The following LASP1 variants were observed in gnomAD, a reference collection of about 807,000 sequenced individuals.
LASP1 encodes the protein LIM and SH3 domain protein 1.
Under a neutral mutation model 38.6 loss-of-function variants are expected in LASP1, and 10 were observed. The ratio of observed to expected loss-of-function variants is 0.26; its 90% CI spans 0.16 to 0.44. The LOEUF (loss-of-function observed/expected upper bound fraction) is 0.44. LASP1 is among the 20% of genes least tolerant of loss of function. LASP1 has a pLI of 1.00. For synonymous variants in LASP1, 132 were observed against 140.8 expected, an observed-to-expected ratio of 0.94 and a Z score of 0.44; for missense variants, 243 against 375.7, an observed-to-expected ratio of 0.65 and a Z score of 2.92.
chr17:38,895,173 T>C (rs1235956472), intron 3 of LASP1, among the ~76,000 whole-genome samples: 1 of 151,272 alleles, frequency 6.6e-6, no homozygotes, highest in East Asian at 1.9e-4. Context: ...TAGAGATTTT[T>C]ATTAATTTTT....
intron 2 of LASP1, among the ~76,000 whole-genome samples, chr17:38,887,170 GA>G (rs1914163522): frequency 6.6e-6 from 1 of 152,158 alleles, no homozygotes; most frequent in East Asian, 1.9e-4. Flanking sequence ...TCTCAGAATT[GA>G]GTCTTCGAGT....
At chr17:38,883,470 G>T (rs1291956769) in intron 2 of LASP1, among the ~76,000 whole-genome samples, 3 of 152,168 alleles carry the variant, frequency 2.0e-5, no homozygotes, top group Non-Finnish European at 4.4e-5. Context: ...TCCCAAAATT[G>T]TCTGCCTCTA....
At chr17:38,882,320 T>C (rs559773450) in intron 2 of LASP1, among the ~76,000 whole-genome samples, 1 of 152,330 alleles carries the variant, frequency 6.6e-6, no homozygotes, top group South Asian at 2.1e-4. Flanking sequence ...CGATCTCCGC[T>C]CACTACAACC....
intron 1 of LASP1, among the ~76,000 whole-genome samples, chr17:38,870,637 A>G (rs1913574805): frequency 7.1e-6 from 1 of 140,526 alleles, no homozygotes; most frequent in Non-Finnish European, 1.5e-5. Flanking sequence ...CTCTGCGCCG[A>G]GCGCCAAGTA....
In LASP1 at chr17:38,918,500, T is replaced by G. The variant is rs566264635; in HGVS notation, c.613-105T>G. On this transcript the variant is annotated intron_variant, in intron 6 of 6. Coordinates refer to ENST00000318008, the MANE Select transcript of LASP1 (RefSeq NM_006148.4). This position sits in a 1 kb window ranked among gnomAD's most constrained non-coding sequence, Gnocchi z 4.4. ...CCTGGTGCTCCATTTCTGAGTTCACTGCTCCCCCAGGCTCTGCTCCAGGGT... is the reference window on the plus strand; with the variant it reads ...CCTGGTGCTCCATTTCTGAGTTCACGGCTCCCCCAGGCTCTGCTCCAGGGT... The G allele has an allele frequency of 1.7e-6, 2 of 1,148,872 alleles. No individual in the cohort carries two copies. The highest frequency in any genetic ancestry group is 3.1e-5 in the African/African-American group (2 of 64,512). The allele number at this position is 1,148,872 out of a possible 1,614,324, so 71.2% of individuals were successfully genotyped here.
chr17:38,921,687 GT>G lies in LASP1; in HGVS notation c.*2911del, dbSNP rs1335166241. ...GCTCGGGATCAAACCTTTCTGGCCT[GT>G]TATGATTCTGAACATTTGACTTGAA... On this transcript the variant is annotated 3_prime_UTR_variant, in exon 7 of 7. Transcript: ENST00000318008. 2 of 231,018 alleles carry G rather than the reference GT, an allele frequency of 8.7e-6. No individual in the cohort carries two copies. Among genetic ancestry groups the G allele is most frequent in the Non-Finnish European group, 1.7e-5 (2 of 116,732 alleles). The allele number at this position is 231,018 out of a possible 1,614,324, so 14.3% of individuals were successfully genotyped here.
At chr17:38,887,217 C>G (rs1358483910) in intron 2 of LASP1, among the ~76,000 whole-genome samples, 4 of 152,148 alleles carry the variant, frequency 2.6e-5, no homozygotes, top group East Asian at 1.9e-4. Flanking sequence ...TCCTCTCCCC[C>G]ACCCTGCTTT....
At chr17:38,892,058 C>T (rs1914342868) in intron 3 of LASP1, among the ~76,000 whole-genome samples, 1 of 152,194 alleles carries the variant, frequency 6.6e-6, no homozygotes, top group Non-Finnish European at 1.5e-5. Flanking sequence ...CACTACACTC[C>T]AGCCTGGGTG....
rs756698399 is a variant in LASP1, at chr17:38,920,709, T to G, written c.*1931T>G. ...GAAAAGACTGTGGGTGGGGAGGCCC[T>G]GCCTGACCCATCCCTTTTCCTTTCT... On this transcript the variant is annotated 3_prime_UTR_variant, in exon 7 of 7. Transcript: ENST00000318008. The G allele has an allele frequency of 4.7e-5, 11 of 233,740 alleles. No homozygotes were observed. The highest frequency in any genetic ancestry group is 8.5e-5 in the Non-Finnish European group (10 of 118,192). 14.5% of individuals were successfully genotyped at this position (233,740 alleles called of 1,614,324 possible).
intron 2 of LASP1, 46 bp downstream of exon 2, chr17:38,878,226 C>A: frequency 7.7e-7 from 1 of 1,296,890 alleles, no homozygotes; most frequent in Non-Finnish European, 1.1e-6. Context: ...CCTTGGCTCC[C>A]TCCCCGAGTG....
intron 2 of LASP1, among the ~76,000 whole-genome samples, chr17:38,880,557 C>T (rs915653321): frequency 1.3e-5 from 2 of 152,234 alleles, no homozygotes; most frequent in Non-Finnish European, 2.9e-5. Context: ...TGCCATGCCT[C>T]ATTGACCTTT....
In LASP1 at chr17:38,915,112, T is replaced by C. The variant is rs1239885165; in HGVS notation, c.578T>C (p.Val193Ala). Reference protein sequence around the residue: ...YGGYKEPAAPVSIQRSAPGGG... With the variant: ...YGGYKEPAAPASIQRSAPGGG... ...GGCTACAAGGAGCCTGCAGCCCCAGTCTCCATACAGCGCAGCGCCCCAGGT... is the reference window on the plus strand; with the variant it reads ...GGCTACAAGGAGCCTGCAGCCCCAGCCTCCATACAGCGCAGCGCCCCAGGT... The change falls in exon 6 of 7, where the codon GTC becomes GCC. Residue 193 changes from valine to alanine, a missense_variant. Physicochemically the swap from Val to Ala is moderately conservative, Grantham distance 64. This residue lies in a region of LASP1 where 165 missense variants were observed against 210.3 expected (regional missense o/e 0.78). Transcript: ENST00000318008. The C allele has an allele frequency of 6.2e-7, 1 of 1,613,944 alleles. No homozygotes were observed.
chr17:38,911,261 C>T (rs999067980), intron 4 of LASP1, among the ~76,000 whole-genome samples: 4 of 152,180 alleles, frequency 2.6e-5, no homozygotes, highest in African/African-American at 9.7e-5. Context: ...GAGCCAGGGC[C>T]AGCGTCCCGA....
At chr17:38,883,739 C>CTTTTT (rs60761350) in intron 2 of LASP1, among the ~76,000 whole-genome samples, 30 of 128,334 alleles carry the variant, frequency 2.3e-4, no homozygotes, top group Non-Finnish European at 3.0e-4. Context: ...CAGGGGCAGG[C>CTTTTT]TTTTTTTTTT....
At chr17:38,877,737 G>A (rs1421147429) in intron 1 of LASP1, among the ~76,000 whole-genome samples, 2 of 152,146 alleles carry the variant, frequency 1.3e-5, no homozygotes, top group Non-Finnish European at 2.9e-5. Context: ...TAAGCAATGA[G>A]GCCTCGCCAG....
rs559295323 is a variant in LASP1 at position 38,883,694 on chromosome 17, C to G, written c.164+5514C>G. Among the ~76,000 whole-genome samples, 15 of 150,868 alleles carry G rather than the reference C, an allele frequency of 9.9e-5. No homozygotes were observed. The South Asian group carries it at 2.1e-3, about 21-fold the overall frequency. On this transcript the variant is annotated intron_variant, in intron 2 of 6. Coordinates refer to ENST00000318008, the MANE Select transcript of LASP1 (RefSeq NM_006148.4). ...CAGGCCCGCGTTTCCATGCCTTACT[C>G]AACTTGCAGAATTGTTTCTCTTCTA...
chr17:38,898,543 G>A (rs1284368918), intron 4 of LASP1, 24 bp downstream of exon 4: 2 of 1,500,574 alleles, frequency 1.3e-6, no homozygotes, highest in Non-Finnish European at 1.8e-6. Context: ...CTGCCCTGCG[G>A]CATCCCTGCT....
rs1295166881 is a variant in LASP1 at position 38,919,818 on chromosome 17, C to T, written c.*1040C>T. On this transcript the variant is annotated 3_prime_UTR_variant, in exon 7 of 7. Coordinates refer to ENST00000318008, the MANE Select transcript of LASP1 (RefSeq NM_006148.4). The stretch of plus-strand genomic sequence containing the variant: ...GCAGGGACCACTAAATCTCCAAGAC[C>T]TGGTGTGCGGAGGCAGGAGCATGTA... The T allele has an allele frequency of 2.3e-6, 1 of 442,016 alleles. No individual in the cohort carries two copies. Among genetic ancestry groups the T allele is most frequent in the African/African-American group, 2.0e-5 (1 of 50,966 alleles). 27.4% of individuals were successfully genotyped at this position (442,016 alleles called of 1,614,324 possible).
intron 4 of LASP1, among the ~76,000 whole-genome samples, chr17:38,908,651 C>T (rs1914838076): frequency 6.6e-6 from 1 of 152,212 alleles, no homozygotes; most frequent in South Asian, 2.1e-4. Context: ...TGACCCAAAC[C>T]CCTAAGTAAA....
Sources: gnomAD v4.1 joint callset for allele counts (sites outside exome capture counted in the v4.1 genomes callset) on GRCh38, gnomAD v4.1.1 for gene constraint, gnomAD v4.1.1 regional missense constraint, Gnocchi (gnomAD v3.1) non-coding constraint, MANE v1.5 for transcripts, NCBI Gene and HGNC (gene_info 2026-07-23, HGNC 2026-07-21) for gene names.